The following GBE1 variants were observed in gnomAD, a reference collection of about 807,000 sequenced individuals.
The protein encoded by GBE1 is 1,4-alpha-glucan-branching enzyme.
Under a neutral mutation model 88.8 loss-of-function variants are expected in GBE1, and 70 were observed. The observed-to-expected ratio is 0.79, with a 90% CI of 0.65 to 0.96. The LOEUF is 0.96. Ranked by LOEUF, GBE1 falls within the 40% of genes least tolerant of loss-of-function variation. The pLI, the probability that GBE1 is intolerant of heterozygous loss-of-function variation, is 0.00. For missense variants in GBE1, 872 were observed against 871.0 expected (o/e 1.00, Z -0.01); for synonymous variants, 284 against 300.1 (o/e 0.95, Z 0.56).
rs572187378 is a variant in GBE1 at position 81,710,901 on chromosome 3, T to C, written c.144-5288A>G. ...ACAAATATAAATACACTAACACATATCACACACTCCAAATTGATTTGAATA... is the reference window on the plus strand; with the variant it reads ...ACAAATATAAATACACTAACACATACCACACACTCCAAATTGATTTGAATA... On this transcript the variant is annotated intron_variant, in intron 1 of 15. Transcript: ENST00000429644. Among the ~76,000 whole-genome samples, 15 of 152,326 alleles carry C rather than the reference T, an allele frequency of 9.8e-5. No individual in the cohort carries two copies. The South Asian group carries it at 2.9e-3, about 29-fold the overall frequency.
At chr3:81,739,928 T>A (rs1706321823) in intron 1 of GBE1, among the ~76,000 whole-genome samples, 1 of 152,040 alleles carries the variant, frequency 6.6e-6, no homozygotes, top group Non-Finnish European at 1.5e-5. Flanking sequence ...TAATAAACAA[T>A]TAAAAATAAA....
At chr3:81,746,018 A>G (rs1473632053) in intron 1 of GBE1, among the ~76,000 whole-genome samples, 1 of 152,238 alleles carries the variant, frequency 6.6e-6, no homozygotes, top group East Asian at 1.9e-4. Flanking sequence ...ATTTTGTAAA[A>G]TACTGACATT....
At chr3:81,639,934 G>C (rs1370384567) in intron 7 of GBE1, among the ~76,000 whole-genome samples, 1 of 152,102 alleles carries the variant, frequency 6.6e-6, no homozygotes, top group Non-Finnish European at 1.5e-5. Flanking sequence ...TCCACACTGA[G>C]GTATACCCAA....
chr3:81,706,462 TG>T (rs965927514), intron 1 of GBE1, among the ~76,000 whole-genome samples: 17 of 152,146 alleles, frequency 1.1e-4, no homozygotes, highest in Non-Finnish European at 2.1e-4. Flanking sequence ...AGGAAAAACT[TG>T]GTAAAACTGG....
intron 12 of GBE1, among the ~76,000 whole-genome samples, chr3:81,568,898 T>C (rs1416752200): frequency 6.6e-6 from 1 of 152,018 alleles, no homozygotes; most frequent in East Asian, 1.9e-4. Context: ...GTGAGCTAAA[T>C]GGAGAGATAA....
intron 14 of GBE1, among the ~76,000 whole-genome samples, chr3:81,526,156 C>T (rs191998947): frequency 2.0e-5 from 3 of 151,982 alleles, no homozygotes; most frequent in African/African-American, 7.2e-5. Flanking sequence ...CCTGCTTTAT[C>T]TTGTGGGCAT....
At chr3:81,606,931 C>T (rs770722495) in intron 7 of GBE1, among the ~76,000 whole-genome samples, 17 of 152,076 alleles carry the variant, frequency 1.1e-4, no homozygotes, top group East Asian at 1.9e-4. Context: ...ACAGATGTCA[C>T]GTTTATTTAG....
chr3:81,583,550 T>C (rs927728356), intron 10 of GBE1, among the ~76,000 whole-genome samples: 1 of 152,116 alleles, frequency 6.6e-6, no homozygotes, highest in African/African-American at 2.4e-5. Flanking sequence ...GAATGCGCTG[T>C]TGATATATGC....
intron 14 of GBE1, among the ~76,000 whole-genome samples, chr3:81,517,749 C>T (rs1008751933): frequency 6.6e-6 from 1 of 151,304 alleles, no homozygotes; most frequent in African/African-American, 2.4e-5. Context: ...AATTAAATTA[C>T]TGTTTTAAGG....
intron 12 of GBE1, among the ~76,000 whole-genome samples, chr3:81,559,607 C>T (rs1703392403): frequency 1.3e-5 from 2 of 151,484 alleles, no homozygotes; most frequent in Non-Finnish European, 2.9e-5. Context: ...AATTTTTGCC[C>T]CTATTGGGGT....
At chr3:81,606,534 A>C (rs953662145) in intron 7 of GBE1, among the ~76,000 whole-genome samples, 1 of 152,236 alleles carries the variant, frequency 6.6e-6, no homozygotes, top group African/African-American at 2.4e-5. Flanking sequence ...GTCCAGTATA[A>C]TCTGATCCAG....
intron 7 of GBE1, among the ~76,000 whole-genome samples, chr3:81,605,556 A>G (rs1704091938): frequency 2.0e-5 from 3 of 152,218 alleles, no homozygotes; most frequent in Admixed American, 2.0e-4. Context: ...ATGTGTAAAA[A>G]TTCTAATACT....
intron 7 of GBE1, among the ~76,000 whole-genome samples, chr3:81,607,782 C>T (rs1048536579): frequency 1.6e-4 from 24 of 152,234 alleles, no homozygotes; most frequent in African/African-American, 5.8e-4. Context: ...CAATTGGTAA[C>T]AATTTAATTC....
intron 1 of GBE1, among the ~76,000 whole-genome samples, chr3:81,735,937 C>T (rs559028697): frequency 1.3e-5 from 2 of 152,226 alleles, no homozygotes; most frequent in East Asian, 3.9e-4. Context: ...TTAGCCACGA[C>T]CACTAAAGGC....
intron 1 of GBE1, among the ~76,000 whole-genome samples, chr3:81,729,205 G>C (rs939359860): frequency 1.8e-4 from 28 of 152,212 alleles, no homozygotes; most frequent in African/African-American, 6.7e-4. Context: ...TGTTTAGAAG[G>C]CACAAGTAAA....
intron 2 of GBE1, among the ~76,000 whole-genome samples, chr3:81,677,714 A>G (rs1705281148): frequency 6.6e-6 from 1 of 152,024 alleles, no homozygotes; most frequent in African/African-American, 2.4e-5. Context: ...CCTCCAGATA[A>G]TTCTTCCTCC....
intron 14 of GBE1, among the ~76,000 whole-genome samples, chr3:81,513,452 G>T (rs1702751534): frequency 6.6e-6 from 1 of 151,440 alleles, no homozygotes; most frequent in Non-Finnish European, 1.5e-5. Flanking sequence ...AAAACACTAT[G>T]TGCTAGAGGG....
intron 2 of GBE1, among the ~76,000 whole-genome samples, chr3:81,702,481 A>G (rs1416548706): frequency 6.6e-6 from 1 of 152,008 alleles, no homozygotes; most frequent in Non-Finnish European, 1.5e-5. Context: ...AAGTTTCCCA[A>G]TATACTGCCT....
intron 12 of GBE1, among the ~76,000 whole-genome samples, chr3:81,547,378 C>T (rs956157759): frequency 2.0e-5 from 3 of 151,528 alleles, no homozygotes; most frequent in African/African-American, 7.2e-5. Context: ...GAGTAATCTG[C>T]TTTGCAGTCT....
Sources: gnomAD v4.1 joint callset for allele counts (sites outside exome capture counted in the v4.1 genomes callset) on GRCh38, gnomAD v4.1.1 for gene constraint, MANE v1.5 for transcripts, NCBI Gene and HGNC (gene_info 2026-07-23, HGNC 2026-07-21) for gene names.